Variants in LOC128125822 observed in about 807,000 individuals in gnomAD.
At chr6:63,575,667 CATTATTAAA>C in the LOC128125822 span, among the ~76,000 whole-genome samples, 1 of 152,070 alleles carries the variant, frequency 6.6e-6, no homozygotes, top group Admixed American at 6.6e-5. Flanking sequence ...TACAAAAGAA[CATTATTAAA>C]ATTATGAATA....
the LOC128125822 span, among the ~76,000 whole-genome samples, chr6:63,578,044 G>T: frequency 0.015 from 2,324 of 151,968 alleles, 66 homozygotes; most frequent in African/African-American, 0.053. Flanking sequence ...CAGATTACCC[G>T]ATTAGTTATA....
the LOC128125822 span, chr6:63,583,508 A>G: frequency 6.6e-6 from 1 of 152,242 alleles, no homozygotes; most frequent in South Asian, 2.1e-4. Flanking sequence ...GTGTTAACGT[A>G]TGAATGAAAG....
chr6:63,581,335 T>C, the LOC128125822 span: 1 of 152,732 alleles, frequency 6.5e-6, no homozygotes, highest in Middle Eastern at 3.4e-3. Flanking sequence ...ATATTTATAC[T>C]GTCTGGGGAT....
chr6:63,574,947 G>C, the LOC128125822 span, among the ~76,000 whole-genome samples: 2 of 152,200 alleles, frequency 1.3e-5, no homozygotes, highest in African/African-American at 2.4e-5. Context: ...CTGAGGGCTT[G>C]TTTGAACAAA....
chr6:63,579,254 C>T, the LOC128125822 span: 19 of 1,602,612 alleles, frequency 1.2e-5, no homozygotes, highest in East Asian at 3.8e-4. Context: ...CTTACCTCAC[C>T]AGAGCTCCAG....
At chr6:63,574,612 T>G in the LOC128125822 span, among the ~76,000 whole-genome samples, 1 of 152,210 alleles carries the variant, frequency 6.6e-6, no homozygotes, top group African/African-American at 2.4e-5. Context: ...GACTAGGTTG[T>G]AGCCGACAGG....
the LOC128125822 span, chr6:63,578,881 A>C: frequency 6.6e-7 from 1 of 1,512,228 alleles, no homozygotes; most frequent in African/African-American, 1.4e-5. Flanking sequence ...AAATGTTTAA[A>C]TATTCTTCTG....
the LOC128125822 span, chr6:63,577,067 T>C: frequency 9.1e-7 from 1 of 1,093,580 alleles, no homozygotes; most frequent in Non-Finnish European, 1.3e-6. Context: ...AAAACTACTT[T>C]GGAAAAAATG....
At chr6:63,580,083 A>G in the LOC128125822 span, 61 of 1,613,190 alleles carry the variant, frequency 3.8e-5, no homozygotes, top group Non-Finnish European at 4.9e-5. Context: ...TTTAACAGCA[A>G]GCAACTTCTG....
the LOC128125822 span, chr6:63,572,609 C>T: frequency 2.4e-6 from 1 of 419,888 alleles, no homozygotes; most frequent in East Asian, 3.5e-5. Flanking sequence ...GCCGCTCCGC[C>T]ACGACCACCG....
chr6:63,580,197 G>A, the LOC128125822 span: 3 of 1,547,342 alleles, frequency 1.9e-6, no homozygotes, highest in Non-Finnish European at 2.7e-6. Context: ...TAATGCTACT[G>A]GAAGTGGAAC....
the LOC128125822 span, chr6:63,582,192 G>T: frequency 2.7e-5 from 4 of 146,040 alleles, no homozygotes; most frequent in East Asian, 2.0e-4. Context: ...CTGAGGTTTT[G>T]TTTTTTTTTT....
chr6:63,580,414 T>A, the LOC128125822 span: 1 of 434,838 alleles, frequency 2.3e-6, no homozygotes, highest in South Asian at 3.4e-5. Flanking sequence ...GCTTGTCATT[T>A]GTATCAATTG....
chr6:63,578,320 T>G, the LOC128125822 span: 1 of 1,220,760 alleles, frequency 8.2e-7, no homozygotes, highest in Non-Finnish European at 1.1e-6. Flanking sequence ...CTAGCATTCT[T>G]TAAATGATCT....
At chr6:63,579,855 C>T in the LOC128125822 span, among the ~76,000 whole-genome samples, 10 of 152,208 alleles carry the variant, frequency 6.6e-5, no homozygotes, top group East Asian at 7.7e-4. Context: ...AATACTCAAA[C>T]GAAGATATAA....
chr6:63,573,474 G>T, the LOC128125822 span: 3 of 152,276 alleles, frequency 2.0e-5, no homozygotes, highest in Non-Finnish European at 4.4e-5. Flanking sequence ...CTGAAGGCGC[G>T]GCGCGAACCC....
the LOC128125822 span, among the ~76,000 whole-genome samples, chr6:63,578,185 C>T: frequency 6.6e-6 from 1 of 152,100 alleles, no homozygotes; most frequent in Non-Finnish European, 1.5e-5. Flanking sequence ...ACAATTTAAA[C>T]AAAAGAAGGA....
chr6:63,575,589 C>A, the LOC128125822 span, among the ~76,000 whole-genome samples: 1 of 152,126 alleles, frequency 6.6e-6, no homozygotes, highest in Admixed American at 6.6e-5. Flanking sequence ...CCTTCAACAT[C>A]CCTTTGTCCG....
At chr6:63,579,937 C>T in the LOC128125822 span, 3 of 722,978 alleles carry the variant, frequency 4.1e-6, 1 homozygote, top group South Asian at 5.2e-5. Context: ...TGCATCAGGT[C>T]ACAGCCTAAT....
Sources: gnomAD v4.1 joint callset for allele counts (sites outside exome capture counted in the v4.1 genomes callset) on GRCh38, gnomAD v4.1.1 for gene constraint, MANE v1.5 for transcripts.